Variants in PTPRF observed in about 807,000 individuals in gnomAD.
PTPRF encodes receptor-type tyrosine-protein phosphatase F.
A neutral mutation model predicts 201.8 loss-of-function variants in PTPRF; 59 were observed. The ratio of observed to expected loss-of-function variants is 0.29; its 90% CI spans 0.24 to 0.36. The LOEUF (loss-of-function observed/expected upper bound fraction) is 0.36. Ranked by LOEUF, PTPRF falls within the 10% of genes least tolerant of loss-of-function variation. The pLI is 1.00. For synonymous variants in PTPRF, 1,088 were observed against 1,089.7 expected (o/e 1.00, Z 0.03); for missense variants, 2,132 against 2,690.5 (o/e 0.79, Z 4.59).
Position 43,618,719 on chromosome 1 carries a change from A to G in PTPRF, c.4461A>G (p.Thr1487=), listed in dbSNP as rs564503847. ...TGTTGGACACAGTGGAGCTGGCCACATACACTGTGCGCACCTTCGCACTCC... is the reference window on the plus strand; with the variant it reads ...TGTTGGACACAGTGGAGCTGGCCACGTACACTGTGCGCACCTTCGCACTCC... ...VTLLDTVELA[T]YTVRTFALHK... Residue 1487 remains threonine (T), a synonymous_variant, in exon 26 of 34, where the codon ACA becomes ACG. Coordinates refer to ENST00000359947, the MANE Select transcript of PTPRF (RefSeq NM_002840.5). 1.2e-6 allele frequency: 2 copies of G among 1,611,250 alleles called. No individual in the cohort carries two copies. The highest frequency in any genetic ancestry group is 4.5e-5 in the East Asian group (2 of 44,750).
rs766753728 is a variant in PTPRF at position 43,579,092 on chromosome 1, C to T, written c.679+172C>T. The T allele has an allele frequency of 4.1e-6, 3 of 732,086 alleles. No individual in the cohort carries two copies. In the South Asian group the frequency reaches 4.5e-5, roughly 11 times the overall value. The allele number at this position is 732,086 out of a possible 1,614,324, so 45.3% of individuals were successfully genotyped here. A position where few individuals can be genotyped will look rare whatever the true frequency, so the allele number is the denominator to read the frequency against. Reference sequence around the variant, plus strand: ...GCAACAGCTCCCACTGGGCAAGTTCCTGGCGTCTGCCACTACTTCGCCTTC... The same window carrying T: ...GCAACAGCTCCCACTGGGCAAGTTCTTGGCGTCTGCCACTACTTCGCCTTC... On this transcript the variant is annotated intron_variant, in intron 7 of 33. Coordinates refer to ENST00000359947, the MANE Select transcript of PTPRF (RefSeq NM_002840.5).
intron 5 of PTPRF, among the ~76,000 whole-genome samples, chr1:43,561,587 A>G (rs1045235043): frequency 6.6e-6 from 1 of 151,828 alleles, no homozygotes; most frequent in African/African-American, 2.4e-5. Flanking sequence ...GCCAGCTTCT[A>G]CCTCTCCCTT....
At chr1:43,536,645 C>T (rs1644030546) in intron 1 of PTPRF, among the ~76,000 whole-genome samples, 1 of 152,270 alleles carries the variant, frequency 6.6e-6, no homozygotes, top group African/African-American at 2.4e-5. Context: ...CTGCGGGCAT[C>T]TCTAGACAAA....
intron 5 of PTPRF, among the ~76,000 whole-genome samples, chr1:43,568,783 A>T (rs547839385): frequency 1.3e-4 from 20 of 152,242 alleles, no homozygotes; most frequent in South Asian, 4.1e-4. Flanking sequence ...ACTCTATGCT[A>T]GTGACTCCTC....
At chr1:43,547,984 AGGCTTGTG>A (rs1232110098) in intron 3 of PTPRF, among the ~76,000 whole-genome samples, 1 of 152,224 alleles carries the variant, frequency 6.6e-6, no homozygotes, top group Admixed American at 6.5e-5. Context: ...GTGGAGGCAC[AGGCTTGTG>A]AGCAGTGACC....
rs1204668887 is a variant in PTPRF at position 43,537,047 on chromosome 1, G to A, written c.-125-1151G>A. ...TTGTGTCCGTTATAGGAGGAGCCAA[G>A]GTGGCAGAGTGGTGTGGGGTGGGGA... On this transcript the variant is annotated intron_variant, in intron 1 of 33. Transcript: ENST00000359947. The surrounding 1 kb of genome is among the most constrained non-coding windows in gnomAD (Gnocchi z 4.8). Among the ~76,000 whole-genome samples, 1 of 152,236 alleles carries A rather than the reference G, an allele frequency of 6.6e-6. No homozygotes were observed. Among genetic ancestry groups the A allele is most frequent in the African/African-American group, 2.4e-5 (1 of 41,452 alleles).
In PTPRF at chr1:43,588,687, G is replaced by A. The variant is rs1471468981; in HGVS notation, c.680-44G>A. The A allele has an allele frequency of 6.2e-7, 1 of 1,604,064 alleles. No homozygotes were observed. On this transcript the variant is annotated intron_variant, in intron 7 of 33. Coordinates refer to ENST00000359947, the MANE Select transcript of PTPRF (RefSeq NM_002840.5). This position sits in a 1 kb window ranked among gnomAD's most constrained non-coding sequence, Gnocchi z 5.3. ...GGCCCCTGCCCTTCCATGCAGTCGTGTGTCCTGCCCGGCCTGTGAGTGCCT... is the reference window on the plus strand; with the variant it reads ...GGCCCCTGCCCTTCCATGCAGTCGTATGTCCTGCCCGGCCTGTGAGTGCCT...
At chr1:43,579,468 C>T in intron 7 of PTPRF, 1 of 344,602 alleles carries the variant, frequency 2.9e-6, no homozygotes, top group Non-Finnish European at 5.7e-6. Flanking sequence ...CCCTTGTGTT[C>T]AGCTGTGAGC....
At position 43,598,029 on chromosome 1, in the gene PTPRF, G is replaced by A. The variant is rs1267826004; in HGVS notation, c.2095G>A (p.Val699Met). The A allele has an allele frequency of 6.6e-7, 1 of 1,506,704 alleles. No individual in the cohort carries two copies. Among genetic ancestry groups the A allele is most frequent in the African/African-American group, 1.4e-5 (1 of 72,336 alleles). 93.3% of individuals were successfully genotyped at this position (1,506,704 alleles called of 1,614,324 possible). A position where few individuals can be genotyped will look rare whatever the true frequency, so the allele number is the denominator to read the frequency against. Residue 699 changes from valine (V) to methionine (M), a missense_variant, in exon 12 of 34, where the codon GTG (valine) becomes ATG (methionine). This residue lies in a region of PTPRF where 125 missense variants were observed against 211.9 expected (regional missense o/e 0.59). Coordinates refer to ENST00000359947, the MANE Select transcript of PTPRF (RefSeq NM_002840.5). Reference sequence around the variant, plus strand: ...GGGCCCCGGCCCCGAGAGCAGCCCGGTGCTGGTGCGCACCGATGAGGACGG... The same window carrying A: ...GGGCCCCGGCCCCGAGAGCAGCCCGATGCTGGTGCGCACCGATGAGGACGG... ...DVGPGPESSPVLVRTDEDVPS... is the reference protein window; with the variant it reads ...DVGPGPESSPMLVRTDEDVPS...
Position 43,604,889 on chromosome 1 carries a change from C to T in PTPRF, c.3038-14C>T. ...ATATACCCAGCAGAGCTGACTCTCT[C>T]TATGCCTTTGCAGTGTTTGCCAAGA... On this transcript the variant is annotated splice_polypyrimidine_tract_variant and intron_variant, in intron 16 of 33. Coordinates refer to ENST00000359947, the MANE Select transcript of PTPRF (RefSeq NM_002840.5). 1.2e-6 allele frequency: 2 copies of T among 1,612,276 alleles called. No homozygotes were observed. Among genetic ancestry groups the T allele is most frequent in the Non-Finnish European group, 1.7e-6 (2 of 1,178,928 alleles).
intron 6 of PTPRF, among the ~76,000 whole-genome samples, chr1:43,571,602 C>T (rs1445736087): frequency 5.3e-5 from 8 of 152,254 alleles, no homozygotes; most frequent in Admixed American, 1.3e-4. Flanking sequence ...ATGTACCACC[C>T]TCGTGGCTCT....
At chr1:43,570,263 C>G (rs1340317508) in intron 6 of PTPRF, among the ~76,000 whole-genome samples, 1 of 152,262 alleles carries the variant, frequency 6.6e-6, no homozygotes, top group African/African-American at 2.4e-5. Context: ...CCAGAGCCAC[C>G]TGTCTCCTCT....
At position 43,578,986 on chromosome 1, in the gene PTPRF, G is replaced by A. The variant is rs2153998391; in HGVS notation, c.679+66G>A. 2.0e-6 allele frequency: 3 copies of A among 1,467,444 alleles called. No individual in the cohort carries two copies. In the East Asian group the frequency reaches 6.8e-5, roughly 33 times the overall value. The allele number at this position is 1,467,444 out of a possible 1,614,324, so 90.9% of individuals were successfully genotyped here. ...CTGTGCTGCACCTGCCGGGCTCTCT[G>A]CCCAGAGCCCTTGGTGCAGACACGC... On this transcript the variant is annotated intron_variant, in intron 7 of 33. Coordinates refer to ENST00000359947, the MANE Select transcript of PTPRF (RefSeq NM_002840.5).
chr1:43,605,127 C>A, intron 17 of PTPRF, 63 bp from the exon 18 acceptor site: 1 of 1,574,986 alleles, frequency 6.3e-7, no homozygotes, highest in Non-Finnish European at 8.7e-7. Flanking sequence ...GTGCACTGTG[C>A]CTTGCAGCCC....
At chr1:43,565,524 T>C (rs1174860623) in intron 5 of PTPRF, among the ~76,000 whole-genome samples, 1 of 151,906 alleles carries the variant, frequency 6.6e-6, no homozygotes, top group Non-Finnish European at 1.5e-5. Flanking sequence ...GTGTGGAGAC[T>C]CGGGCTCTTG....
At chr1:43,577,812 T>G (rs1268111629) in intron 6 of PTPRF, among the ~76,000 whole-genome samples, 1 of 152,160 alleles carries the variant, frequency 6.6e-6, no homozygotes, top group Non-Finnish European at 1.5e-5. Context: ...CCGTCCTGTG[T>G]GGGTGTAATT....
chr1:43,607,041 C>A, intron 21 of PTPRF, 73 bp downstream of exon 21: 1 of 1,567,454 alleles, frequency 6.4e-7, no homozygotes, highest in Non-Finnish European at 8.7e-7. Flanking sequence ...GGGTGTGGTG[C>A]CTGTGGAGAG....
At chr1:43,563,071 TG>T (rs1344808789) in intron 5 of PTPRF, among the ~76,000 whole-genome samples, 1 of 151,146 alleles carries the variant, frequency 6.6e-6, no homozygotes, top group African/African-American at 2.4e-5. Context: ...CCAGCTACTC[TG>T]GAGGCTGAGG....
chr1:43,559,806 T>C (rs1645669241), intron 5 of PTPRF, among the ~76,000 whole-genome samples: 1 of 148,754 alleles, frequency 6.7e-6, no homozygotes. Flanking sequence ...TCAGGCAGTG[T>C]GTGGTGTGTG....
Sources: gnomAD v4.1 joint callset for allele counts (sites outside exome capture counted in the v4.1 genomes callset) on GRCh38, gnomAD v4.1.1 for gene constraint, gnomAD v4.1.1 regional missense constraint, Gnocchi (gnomAD v3.1) non-coding constraint, MANE v1.5 for transcripts, NCBI Gene and HGNC (gene_info 2026-07-23, HGNC 2026-07-21) for gene names.